Variants in CBLN2 observed in about 807,000 individuals in gnomAD.
CBLN2 encodes cerebellin-2.
In CBLN2, 7 loss-of-function variants were observed where a neutral mutation model predicts 15.0. The observed-to-expected ratio is 0.47, with a 90% CI of 0.27 to 0.88. The LOEUF (loss-of-function observed/expected upper bound fraction) is 0.88. Ranked by LOEUF, CBLN2 falls within the 40% of genes least tolerant of loss-of-function variation. CBLN2 has a pLI of 0.14. For synonymous variants in CBLN2, 149 were observed against 135.2 expected (o/e 1.10, Z -0.71); for missense variants, 242 against 304.5 (o/e 0.79, Z 1.53).
chr18:72,552,708 A>G (rs2069199061), intron 1 of CBLN2: 2 of 152,224 alleles, frequency 1.3e-5, no homozygotes, highest in Admixed American at 1.3e-4. Flanking sequence ...TAAATAATAT[A>G]TTTCCTTTTA....
At chr18:72,621,206 A>G (rs1404358165) in intron 1 of CBLN2, among the ~76,000 whole-genome samples, 2 of 152,126 alleles carry the variant, frequency 1.3e-5, no homozygotes, top group African/African-American at 4.8e-5. Context: ...CTTGGTCACA[A>G]TTTTACCTCT....
chr18:72,558,458 G>A (rs1328802454), intron 1 of CBLN2, among the ~76,000 whole-genome samples: 3 of 152,144 alleles, frequency 2.0e-5, no homozygotes, highest in Non-Finnish European at 4.4e-5. Flanking sequence ...AGTCTAACAG[G>A]TTAGCTGAGC....
At chr18:72,633,627 G>A (rs183569542) in intron 1 of CBLN2, among the ~76,000 whole-genome samples, 2 of 152,282 alleles carry the variant, frequency 1.3e-5, no homozygotes, top group East Asian at 3.9e-4. Flanking sequence ...CTAATGAAAA[G>A]TAATCAGAAC....
intron 1 of CBLN2, among the ~76,000 whole-genome samples, chr18:72,610,284 G>A (rs943248486): frequency 2.0e-5 from 3 of 152,104 alleles, no homozygotes; most frequent in Non-Finnish European, 2.9e-5. Flanking sequence ...GAGCATGTGT[G>A]CAGTGCTGTT....
In CBLN2 at chr18:72,613,489, C is replaced by G. The variant is rs564542392; in HGVS notation, c.15+24836G>C. Among the ~76,000 whole-genome samples the G allele has an allele frequency of 8.5e-5, 8 of 94,558 alleles. No homozygotes were observed. In the South Asian group the frequency reaches 2.9e-3, roughly 35 times the overall value. 62.0% of individuals were successfully genotyped at this position (94,558 alleles called of 152,430 possible). Reference sequence around the variant, plus strand: ...AATAGGTATCTTTTTTTCTTACACACTTTAGTTGAAAGATTAACCTGCAAT... The same window carrying G: ...AATAGGTATCTTTTTTTCTTACACAGTTTAGTTGAAAGATTAACCTGCAAT... On this transcript the variant is annotated intron_variant, in intron 1 of 2. Coordinates refer to the CBLN2 transcript ENST00000581073.
chr18:72,547,300 C>T (rs11151774), upstream of CBLN2, among the ~76,000 whole-genome samples: 8,623 of 151,988 alleles, frequency 0.057, 643 homozygotes, highest in East Asian at 0.4. Context: ...GTAAAAAATG[C>T]GCACACACGA....
chr18:72,638,238 T>C, intron 1 of CBLN2: 1 of 398,348 alleles, frequency 2.5e-6, no homozygotes, highest in African/African-American at 2.1e-5. Context: ...TCACATCTCC[T>C]TGTTGTTCAT....
chr18:72,612,463 C>T (rs1365694926), intron 1 of CBLN2, among the ~76,000 whole-genome samples: 1 of 151,902 alleles, frequency 6.6e-6, no homozygotes, highest in Non-Finnish European at 1.5e-5. Context: ...AGGCTCCCCA[C>T]CTTACCTTCA....
Position 72,626,877 on chromosome 18 carries a change from A to T in CBLN2, c.15+11448T>A, listed in dbSNP as rs79560188. Among the ~76,000 whole-genome samples the T allele has an allele frequency of 5.5e-3, 832 of 152,264 alleles. 5 individuals carry two copies. Among genetic ancestry groups the T allele is most frequent in the African/African-American group, 0.017 (717 of 41,552 alleles). ...TCTGCTCAGCCTCTCTTTTTGAGTG[A>T]TCCAAACTGAACCCAAGGATTTTTC... On this transcript the variant is annotated intron_variant, in intron 1 of 2. Transcript: ENST00000581073.
chr18:72,590,974 T>C (rs1040088534), intron 1 of CBLN2, among the ~76,000 whole-genome samples: 3 of 152,240 alleles, frequency 2.0e-5, no homozygotes, highest in South Asian at 4.1e-4. Context: ...TCTCTGTCTT[T>C]GGGGCATTGC....
chr18:72,608,189 A>G (rs1030485578), intron 1 of CBLN2, among the ~76,000 whole-genome samples: 18 of 152,204 alleles, frequency 1.2e-4, no homozygotes, highest in Non-Finnish European at 5.9e-5. Context: ...AAATCCTAGA[A>G]AGAAAACTCC....
upstream of CBLN2, among the ~76,000 whole-genome samples, chr18:72,549,061 G>C (rs1462281398): frequency 6.6e-6 from 1 of 151,728 alleles, no homozygotes; most frequent in Non-Finnish European, 1.5e-5. Context: ...ACCCAGACCG[G>C]AGGGCAATGA....
intron 1 of CBLN2, among the ~76,000 whole-genome samples, chr18:72,560,082 C>A (rs941345357): frequency 5.3e-5 from 8 of 152,270 alleles, no homozygotes; most frequent in Non-Finnish European, 1.2e-4. Context: ...CCTGAGCTCC[C>A]AATTTTTCAC....
chr18:72,583,626 T>C (rs1033393066), intron 1 of CBLN2, among the ~76,000 whole-genome samples: 1 of 152,234 alleles, frequency 6.6e-6, no homozygotes, highest in Non-Finnish European at 1.5e-5. Flanking sequence ...TTTAAAAATA[T>C]ATATACCAGA....
Position 72,538,121 on chromosome 18 carries a change from G to A in CBLN2, c.*55C>T. 5 of 1,576,206 alleles carry A rather than the reference G, an allele frequency of 3.2e-6. No individual in the cohort carries two copies. Among genetic ancestry groups the A allele is most frequent in the Non-Finnish European group, 4.4e-6 (5 of 1,146,276 alleles). ...TCCAGTAAGTTCAGGGTGTTTTAAA[G>A]GGCGGAGTCCTGGGTCCAGTTTGCC... On this transcript the variant is annotated 3_prime_UTR_variant, in exon 5 of 5. Coordinates refer to ENST00000269503, the MANE Select transcript of CBLN2 (RefSeq NM_182511.4).
chr18:72,620,631 A>AC (rs1282376642), intron 1 of CBLN2: 2 of 152,154 alleles, frequency 1.3e-5, no homozygotes, highest in Admixed American at 6.5e-5. Flanking sequence ...GAGCAGAAAA[A>AC]CAGGGATGGA....
intron 1 of CBLN2, among the ~76,000 whole-genome samples, chr18:72,565,979 A>G (rs1386817280): frequency 6.6e-6 from 1 of 152,212 alleles, no homozygotes; most frequent in Non-Finnish European, 1.5e-5. Context: ...AGGAAAACAC[A>G]TAACCAGATT....
chr18:72,603,960 G>A (rs910056932), intron 1 of CBLN2, among the ~76,000 whole-genome samples: 1 of 152,132 alleles, frequency 6.6e-6, no homozygotes, highest in Non-Finnish European at 1.5e-5. Context: ...TCTACGCTAG[G>A]AGCTCTCTGA....
At chr18:72,589,985 T>C (rs1255822310) in intron 1 of CBLN2, among the ~76,000 whole-genome samples, 1 of 150,062 alleles carries the variant, frequency 6.7e-6, no homozygotes, top group East Asian at 2.0e-4. Context: ...ATACAAAAAT[T>C]AGTCAGGCAC....
Sources: allele counts gnomAD v4.1 joint callset (sites outside exome capture counted in the v4.1 genomes callset), GRCh38; gene constraint gnomAD v4.1.1; transcripts MANE v1.5; gene names NCBI Gene and HGNC (gene_info 2026-07-23, HGNC 2026-07-21).